REPS2: variants seen among roughly 807,000 people sequenced by gnomAD.
REPS2 encodes ralBP1-associated Eps domain-containing protein 2.
REPS2 carries 23 observed loss-of-function variants against 53.6 expected under a neutral mutation model. That is an observed-to-expected ratio of 0.43 (90% CI 0.31 to 0.61). The LOEUF is 0.61. Ranked by LOEUF, REPS2 falls within the 20% of genes least tolerant of loss-of-function variation. REPS2 has a pLI of 0.11. For synonymous variants in REPS2, 238 were observed against 218.6 expected, an observed-to-expected ratio of 1.09 and a Z score of -0.78; for missense variants, 446 against 534.9, an observed-to-expected ratio of 0.83 and a Z score of 1.64.
chrX:17,067,534 T>G (rs1871840832), intron 9 of REPS2, among the ~76,000 whole-genome samples: 1 of 112,291 alleles, frequency 8.9e-6, no homozygotes, highest in African/African-American at 3.2e-5. Flanking sequence ...AAATTTACAG[T>G]AAGTAGATTT....
Position 17,151,402 on chromosome X carries a change from A to G in REPS2, c.*3921A>G, listed in dbSNP as rs1190160605. The G allele has an allele frequency of 3.6e-5, 4 of 112,670 alleles. No homozygotes were observed. Among genetic ancestry groups the G allele is most frequent in the Admixed American group, 9.4e-5 (1 of 10,675 alleles). The allele number at this position is 112,670 out of a possible 1,213,427, so 9.3% of individuals were successfully genotyped here. On this transcript the variant is annotated 3_prime_UTR_variant, in exon 18 of 18. Transcript: ENST00000357277. ...GATCTCACAGCCATGGTAATAATAG[A>G]TGTGTACTCAGAAGATCAATAAGGT...
chrX:17,110,159 C>T (rs1345104087), intron 14 of REPS2, among the ~76,000 whole-genome samples: 1 of 111,079 alleles, frequency 9.0e-6, no homozygotes, highest in Non-Finnish European at 1.9e-5. Context: ...GCTATCTAAT[C>T]CATTTTTAAG....
intron 14 of REPS2, among the ~76,000 whole-genome samples, chrX:17,125,103 T>C (rs2063191397): frequency 9.0e-6 from 1 of 110,910 alleles, no homozygotes; most frequent in Non-Finnish European, 1.9e-5. Flanking sequence ...TGTCAAGTGA[T>C]CCACCTCCCA....
chrX:17,123,049 T>C (rs1458127504), intron 14 of REPS2, among the ~76,000 whole-genome samples: 1 of 112,250 alleles, frequency 8.9e-6, no homozygotes, highest in East Asian at 2.8e-4. Context: ...ATGTCAGAGA[T>C]TGGGGCCCAA....
chrX:17,118,009 G>T (rs1454839206), intron 14 of REPS2, among the ~76,000 whole-genome samples: 3 of 87,307 alleles, frequency 3.4e-5, no homozygotes, highest in Non-Finnish European at 6.6e-5. Context: ...GCCCAGGCTG[G>T]AGTGCAGTGG....
At chrX:17,018,904 C>G (rs944924986) in intron 2 of REPS2, among the ~76,000 whole-genome samples, 1 of 110,248 alleles carries the variant, frequency 9.1e-6, no homozygotes, top group African/African-American at 3.3e-5. Context: ...CAGACTCAAG[C>G]GATCTTCCTG....
chrX:17,162,293 T>C, the REPS2 span, among the ~76,000 whole-genome samples: 176 of 112,633 alleles, frequency 1.6e-3, no homozygotes, highest in African/African-American at 5.3e-3. Context: ...CAAAAACAAT[T>C]GGCAACAATT....
intron 2 of REPS2, among the ~76,000 whole-genome samples, chrX:17,008,299 G>T (rs1351543579): frequency 8.9e-6 from 1 of 112,279 alleles, no homozygotes; most frequent in Admixed American, 9.4e-5. Flanking sequence ...GGAAAAGTTA[G>T]AGCTGCTTTA....
intron 13 of REPS2, among the ~76,000 whole-genome samples, chrX:17,095,562 A>G (rs984393100): frequency 9.3e-6 from 1 of 107,225 alleles, no homozygotes; most frequent in South Asian, 4.3e-4. Context: ...ACATAATCCT[A>G]TAGATTTTAA....
At chrX:17,055,869 G>T (rs2062061917) in intron 8 of REPS2, among the ~76,000 whole-genome samples, 1 of 96,516 alleles carries the variant, frequency 1.0e-5, no homozygotes, top group African/African-American at 3.8e-5. Flanking sequence ...GGATAGCATT[G>T]GGAGATATAC....
chrX:17,070,171 G>A (rs1198481713), intron 11 of REPS2, among the ~76,000 whole-genome samples, 178 bp downstream of exon 11: 1 of 111,654 alleles, frequency 9.0e-6, no homozygotes, highest in African/African-American at 3.3e-5. Context: ...CTCTTTTCAG[G>A]TATGAGAACG....
chrX:17,043,311 A>G (rs1321588683), intron 5 of REPS2, among the ~76,000 whole-genome samples: 2 of 110,933 alleles, frequency 1.8e-5, no homozygotes, highest in African/African-American at 6.6e-5. Context: ...CTCCTTGCCC[A>G]CTTAAGTTTT....
chrX:17,122,421 A>G (rs2063153421), intron 14 of REPS2, among the ~76,000 whole-genome samples: 1 of 112,540 alleles, frequency 8.9e-6, no homozygotes, highest in South Asian at 3.6e-4. Context: ...TGCAAATATA[A>G]CACTGTTTTC....
intron 5 of REPS2, among the ~76,000 whole-genome samples, chrX:17,034,721 G>A (rs1335458694): frequency 9.0e-6 from 1 of 111,683 alleles, no homozygotes; most frequent in African/African-American, 3.3e-5. Flanking sequence ...TTTGCTTTTT[G>A]GAGGGATGAA....
intron 8 of REPS2, among the ~76,000 whole-genome samples, chrX:17,061,285 GAC>G (rs1182110681): frequency 8.9e-6 from 1 of 112,018 alleles, no homozygotes; most frequent in Non-Finnish European, 1.9e-5. Context: ...AAATTAGATA[GAC>G]ACGTAGGTAG....
At chrX:17,135,152 C>T (rs1170801763) in intron 15 of REPS2, 109 bp from the exon 16 acceptor site, 39 of 798,789 alleles carry the variant, frequency 4.9e-5, no homozygotes, top group Non-Finnish European at 6.7e-5. Context: ...ATAGAGTACC[C>T]TCCTGATCTT....
intron 17 of REPS2, among the ~76,000 whole-genome samples, chrX:17,145,660 C>T (rs1487290074): frequency 2.7e-5 from 3 of 111,519 alleles, no homozygotes; most frequent in African/African-American, 6.5e-5. Flanking sequence ...TCTACCCTGA[C>T]GGAAGCCATT....
At chrX:16,984,120 A>G (rs1173128521) in intron 1 of REPS2, among the ~76,000 whole-genome samples, 2 of 112,553 alleles carry the variant, frequency 1.8e-5, no homozygotes, top group Non-Finnish European at 3.8e-5. Flanking sequence ...ATTTAGGGGA[A>G]GCTAAGCTGG....
At chrX:17,048,448 CAT>C (rs776404138) in intron 6 of REPS2, among the ~76,000 whole-genome samples, 1 of 112,587 alleles carries the variant, frequency 8.9e-6, no homozygotes, top group East Asian at 2.8e-4. Flanking sequence ...TTCTTTACGA[CAT>C]GTGCAGATAT....
Sources: allele counts gnomAD v4.1 joint callset (sites outside exome capture counted in the v4.1 genomes callset), GRCh38; gene constraint gnomAD v4.1.1; transcripts MANE v1.5; gene names NCBI Gene and HGNC (gene_info 2026-07-23, HGNC 2026-07-21).